NOXRED1: variants seen among roughly 807,000 people sequenced by gnomAD.
NOXRED1 encodes the protein NADP dependent oxidoreductase domain containing 1.
NOXRED1 carries 20 observed loss-of-function variants against 30.4 expected under a neutral mutation model. That is an observed-to-expected ratio of 0.66 (90% confidence interval 0.46 to 0.96). The LOEUF is 0.96. NOXRED1 is among the 40% of genes least tolerant of loss of function. The probability of loss-of-function intolerance (pLI) is 0.00; values close to 1 mark genes in which losing one functional copy is unlikely to be tolerated. For synonymous variants in NOXRED1, 155 were observed against 168.0 expected (o/e 0.92, Z 0.60); for missense variants, 374 against 428.0 (o/e 0.87, Z 1.11).
At chr14:77,405,832 TGAAAG>T in intron 5 of NOXRED1, 76 bp downstream of exon 5, 1 of 833,636 alleles carries the variant, frequency 1.2e-6, no homozygotes, top group Non-Finnish European at 2.0e-6. Context: ...AAAGAGAACA[TGAAAG>T]GATAAAAGAA....
At chr14:77,407,761 C>A (rs1894517403) in intron 2 of NOXRED1, 116 bp from the exon 3 acceptor site, 1 of 689,776 alleles carries the variant, frequency 1.4e-6, no homozygotes, top group Non-Finnish European at 2.5e-6. Context: ...CATCTTATTG[C>A]TCCATAAATC....
At chr14:77,419,516 G>T (rs176779) in intron 1 of NOXRED1, among the ~76,000 whole-genome samples, 139,336 of 145,540 alleles carry the variant, frequency 0.96, 66,964 homozygotes, top group East Asian at 1. Flanking sequence ...TGGTGCAATC[G>T]TGGCTCACTG....
chr14:77,409,930 T>A (rs922922909), intron 2 of NOXRED1, among the ~76,000 whole-genome samples: 1 of 151,888 alleles, frequency 6.6e-6, no homozygotes, highest in Non-Finnish European at 1.5e-5. Flanking sequence ...TCCTCCCCTG[T>A]AGCTGGGATT....
intron 2 of NOXRED1, among the ~76,000 whole-genome samples, chr14:77,412,406 C>G (rs1400139718): frequency 6.6e-6 from 1 of 152,126 alleles, no homozygotes; most frequent in Non-Finnish European, 1.5e-5. Flanking sequence ...ATCCAAACAC[C>G]AGGTACAGCA....
rs1224029012 is a variant in NOXRED1 at position 77,407,521 on chromosome 14, G to A, written c.474C>T (p.Thr158=). The change falls in exon 3 of 6, where the codon ACC becomes ACT. Residue 158 remains threonine (T), a synonymous_variant. Coordinates refer to ENST00000380835, the MANE Select transcript of NOXRED1 (RefSeq NM_001113475.3). ...ACACAATGCTGGCCTTCTCAAGGCT[G>A]GTGTAAATTTCTACGCAGATATTAG... ...QLPNICVEIY[T]SLEKASIVYS... 1 of 1,613,942 alleles carries A rather than the reference G, an allele frequency of 6.2e-7. No homozygotes were observed. The highest frequency in any genetic ancestry group is 1.7e-5 in the Admixed American group (1 of 60,024).
chr14:77,407,558 G>A lies in NOXRED1; in HGVS notation c.437C>T (p.Pro146Leu), dbSNP rs754419231. The A allele has an allele frequency of 7.4e-6, 12 of 1,613,646 alleles. No individual in the cohort carries two copies. The highest frequency in any genetic ancestry group is 8.5e-6 in the Non-Finnish European group (10 of 1,179,678). Residue 146 changes from proline (P) to leucine (L), a missense_variant, in exon 3 of 6, where the codon CCG becomes CTG. Coordinates refer to ENST00000380835, the MANE Select transcript of NOXRED1 (RefSeq NM_001113475.3). ...TACGCAGATATTAGGCAGCTGAGACGGCAAGCAGCAGAGGAATATCACATC... is the reference window on the plus strand; with the variant it reads ...TACGCAGATATTAGGCAGCTGAGACAGCAAGCAGCAGAGGAATATCACATC... ...WADVIFLCCL[P>L]SQLPNICVEI...
chr14:77,414,986 G>A (rs2139692420), intron 1 of NOXRED1, among the ~76,000 whole-genome samples: 1 of 152,128 alleles, frequency 6.6e-6, no homozygotes, highest in Non-Finnish European at 1.5e-5. Flanking sequence ...AGACCAGCCT[G>A]GGCAACATGT....
chr14:77,415,324 C>T (rs1356498822), intron 1 of NOXRED1, among the ~76,000 whole-genome samples: 1 of 152,170 alleles, frequency 6.6e-6, no homozygotes, highest in Non-Finnish European at 1.5e-5. Context: ...AATCCCAGCA[C>T]TTTGGGAGGC....
Position 77,423,484 on chromosome 14 carries a change from T to C in NOXRED1, c.-595A>G, listed in dbSNP as rs1895055192. The C allele has an allele frequency of 6.6e-6, 1 of 152,256 alleles. No homozygotes were observed. The highest frequency in any genetic ancestry group is 2.1e-4 in the South Asian group (1 of 4,832). 9.4% of individuals were successfully genotyped at this position (152,256 alleles called of 1,614,324 possible). Reference sequence around the variant, plus strand: ...TATATCTATCACCAAACAGAGAAGATTGGCTCTGCTCCTCAGTACTTCTGA... The same window carrying C: ...TATATCTATCACCAAACAGAGAAGACTGGCTCTGCTCCTCAGTACTTCTGA... On this transcript the variant is annotated 5_prime_UTR_variant, in exon 1 of 6. Coordinates refer to ENST00000380835, the MANE Select transcript of NOXRED1 (RefSeq NM_001113475.3).
chr14:77,413,790 C>A, intron 2 of NOXRED1, 144 bp downstream of exon 2: 1 of 514,708 alleles, frequency 1.9e-6, no homozygotes, highest in Non-Finnish European at 3.4e-6. Flanking sequence ...AAAGGCCATG[C>A]TTCTAACCTT....
intron 5 of NOXRED1, 60 bp downstream of exon 5, chr14:77,405,853 G>T: frequency 2.0e-6 from 2 of 983,902 alleles, no homozygotes; most frequent in Non-Finnish European, 1.6e-6. Context: ...AAGAAAAAAA[G>T]CATTAACTAA....
rs1305426733 is a variant in NOXRED1, at chr14:77,406,475, A to G, written c.682+249T>C. The G allele has an allele frequency of 1.2e-5, 7 of 601,602 alleles. No individual in the cohort carries two copies. In the Admixed American group the frequency reaches 2.0e-4, roughly 17 times the overall value. The allele number at this position is 601,602 out of a possible 1,614,324, so 37.3% of individuals were successfully genotyped here. On this transcript the variant is annotated intron_variant, in intron 4 of 5. Transcript: ENST00000380835. ...AAAAGCCATTTTAGTCCAACATTAC[A>G]TCCTCCTATTGAAATAAGCTATCTC...
In NOXRED1 at chr14:77,423,288, GA is replaced by G. The variant is rs774340674; in HGVS notation, c.-400del. ...CCCTTCCATTCCCTCCTGCGTTTTG[GA>G]AATAGGACTGAACACATAGAACCAC... On this transcript the variant is annotated 5_prime_UTR_variant, in exon 1 of 6. The change abolishes the stop of an existing upstream ORF in the 5' untranslated region. Coordinates refer to ENST00000380835, the MANE Select transcript of NOXRED1 (RefSeq NM_001113475.3). Among the ~76,000 whole-genome samples, 6 of 152,152 alleles carry G rather than the reference GA, an allele frequency of 3.9e-5. No individual in the cohort carries two copies. The highest frequency in any genetic ancestry group is 8.8e-5 in the Non-Finnish European group (6 of 68,022).
chr14:77,395,953 G>A lies in NOXRED1; in HGVS notation c.906-1148C>T, dbSNP rs543606442. ...TCAGGAGAGACAGGCATGATGGTGC[G>A]CACCTGTAGTCCCAGCTACTCAGGA... On this transcript the variant is annotated intron_variant, in intron 5 of 5. Coordinates refer to ENST00000380835, the MANE Select transcript of NOXRED1 (RefSeq NM_001113475.3). Among the ~76,000 whole-genome samples the A allele has an allele frequency of 6.0e-5, 9 of 149,098 alleles. No homozygotes were observed. The South Asian group carries it at 6.4e-4, about 11-fold the overall frequency.
chr14:77,424,764 C>G (rs1199580784), upstream of NOXRED1, among the ~76,000 whole-genome samples: 1 of 152,170 alleles, frequency 6.6e-6, no homozygotes, highest in Non-Finnish European at 1.5e-5. Context: ...CTTGGCTAGG[C>G]TGAACTGCAA....
chr14:77,397,047 A>C (rs1462741539), intron 5 of NOXRED1, among the ~76,000 whole-genome samples: 1 of 152,264 alleles, frequency 6.6e-6, no homozygotes, highest in Admixed American at 6.5e-5. Flanking sequence ...ACTCCTGGTC[A>C]TTCATTCCAG....
chr14:77,403,485 C>T (rs556081666), intron 5 of NOXRED1, among the ~76,000 whole-genome samples: 4 of 151,698 alleles, frequency 2.6e-5, no homozygotes, highest in East Asian at 3.9e-4. Context: ...GCTTGATAGA[C>T]TTATCACTAA....
At chr14:77,406,322 T>A in intron 4 of NOXRED1, 187 bp from the exon 5 acceptor site, 1 of 603,244 alleles carries the variant, frequency 1.7e-6, no homozygotes, top group South Asian at 2.0e-5. Context: ...TAACACATCA[T>A]GTGTTGACCA....
chr14:77,416,409 G>C (rs929946057), intron 1 of NOXRED1, among the ~76,000 whole-genome samples: 60 of 152,202 alleles, frequency 3.9e-4, no homozygotes, highest in South Asian at 1.0e-3. Flanking sequence ...TGACTCTTAA[G>C]GAGCATGCTG....
Sources: gnomAD v4.1 joint callset for allele counts (sites outside exome capture counted in the v4.1 genomes callset) on GRCh38, gnomAD v4.1.1 for gene constraint, MANE v1.5 for transcripts, NCBI Gene and HGNC (gene_info 2026-07-23, HGNC 2026-07-21) for gene names.